The following PPP2R2B variants were observed in gnomAD, a reference collection of about 807,000 sequenced individuals.
PPP2R2B encodes serine/threonine-protein phosphatase 2A 55 kDa regulatory subunit B beta isoform.
In PPP2R2B, 5 loss-of-function variants were observed where a neutral mutation model predicts 46.0. The observed-to-expected ratio is 0.11, with a 90% CI of 0.06 to 0.23. PPP2R2B has a LOEUF of 0.23. Ranked by LOEUF, PPP2R2B falls within the 10% of genes least tolerant of loss-of-function variation. PPP2R2B has a pLI of 1.00. For missense variants in PPP2R2B, 367 were observed against 575.0 expected (o/e 0.64, Z 3.70); for synonymous variants, 215 against 206.7 (o/e 1.04, Z -0.34).
chr5:146,847,286 A>T (rs928061000), intron 2 of PPP2R2B, among the ~76,000 whole-genome samples: 12 of 152,182 alleles, frequency 7.9e-5, no homozygotes, highest in Non-Finnish European at 8.8e-5. Context: ...TCAGCCTTTA[A>T]TTCCTGACAT....
rs1034204039 is a variant in PPP2R2B at position 146,700,964 on chromosome 5, G to A, written c.168+81C>T. ...CGAGCAAAGCAGCAAGGTTAAGGGCGACACATAAGGATTAAGGAACAGTAG... is the reference window on the plus strand; with the variant it reads ...CGAGCAAAGCAGCAAGGTTAAGGGCAACACATAAGGATTAAGGAACAGTAG... On this transcript the variant is annotated intron_variant, in intron 3 of 9. Coordinates refer to ENST00000394411, the MANE Select transcript of PPP2R2B (RefSeq NM_181675.4). 29 of 1,265,524 alleles carry A rather than the reference G, an allele frequency of 2.3e-5. No homozygotes were observed. The African/African-American group carries it at 3.3e-4, about 14-fold the overall frequency. The allele number at this position is 1,265,524 out of a possible 1,614,324, so 78.4% of individuals were successfully genotyped here. A position where few individuals can be genotyped will look rare whatever the true frequency, so the allele number is the denominator to read the frequency against.
At chr5:146,914,830 T>C (rs961123377) in intron 1 of PPP2R2B, among the ~76,000 whole-genome samples, 1 of 152,206 alleles carries the variant, frequency 6.6e-6, no homozygotes, top group Admixed American at 6.5e-5. Context: ...AGTTGGCATA[T>C]CTTGTGTGGT....
chr5:146,852,102 T>C (rs1302068356), intron 2 of PPP2R2B, among the ~76,000 whole-genome samples: 1 of 152,056 alleles, frequency 6.6e-6, no homozygotes, highest in Non-Finnish European at 1.5e-5. Context: ...GGCTCACTTA[T>C]CAAAAACCAA....
intron 2 of PPP2R2B, among the ~76,000 whole-genome samples, chr5:146,745,038 AC>A (rs1753089633): frequency 6.6e-6 from 1 of 152,124 alleles, no homozygotes; most frequent in South Asian, 2.1e-4. Flanking sequence ...TAGATAATTG[AC>A]CAAAACCCTT....
At chr5:146,840,809 A>C (rs1032516085) in intron 2 of PPP2R2B, among the ~76,000 whole-genome samples, 11 of 152,222 alleles carry the variant, frequency 7.2e-5, no homozygotes, top group African/African-American at 2.2e-4. Flanking sequence ...ATTCTAAAAC[A>C]ATCTATTCAT....
At chr5:146,779,389 A>T (rs947060124) in intron 2 of PPP2R2B, among the ~76,000 whole-genome samples, 2 of 152,118 alleles carry the variant, frequency 1.3e-5, no homozygotes, top group African/African-American at 4.8e-5. Flanking sequence ...CCTGGGCCTG[A>T]TGTACAGTGA....
intron 1 of PPP2R2B, among the ~76,000 whole-genome samples, chr5:146,969,272 G>A (rs918702626): frequency 6.6e-6 from 1 of 152,170 alleles, no homozygotes; most frequent in South Asian, 2.1e-4. Context: ...TGGAAAGTGG[G>A]TTCCAGATGG....
chr5:146,959,588 T>TG (rs1561541908), intron 1 of PPP2R2B, among the ~76,000 whole-genome samples: 2 of 151,916 alleles, frequency 1.3e-5, no homozygotes, highest in East Asian at 1.9e-4. Context: ...CAGGCAGGGT[T>TG]GGGGGGCAGG....
rs563336340 is a variant in PPP2R2B, at chr5:147,072,404, TATTA to T, written c.50+8651_50+8654del. ...TGATGTTTTTTGGTTAGTTGACATT[TATTA>T]GTTACTGAAGGCTATTTTCAGTCAA... is the stretch of plus-strand genomic sequence containing the variant. On this transcript the variant is annotated intron_variant, in intron 2 of 10. Transcript: ENST00000394413. 1.5e-3 allele frequency among the ~76,000 whole-genome samples: 225 copies of T among 152,332 alleles called. 3 individuals are homozygous for T. Among genetic ancestry groups the T allele is most frequent in the African/African-American group, 5.3e-3 (219 of 41,568 alleles).
intron 2 of PPP2R2B, chr5:146,707,704 A>G (rs533553737): frequency 6.1e-6 from 3 of 494,520 alleles, no homozygotes; most frequent in African/African-American, 5.8e-5. Context: ...AGGTAAAGCA[A>G]TATGTACACT....
chr5:146,713,121 A>G (rs150404543), intron 2 of PPP2R2B, among the ~76,000 whole-genome samples: 117 of 152,322 alleles, frequency 7.7e-4, no homozygotes, highest in African/African-American at 2.7e-3. Flanking sequence ...GGAGGCTGCA[A>G]TTTCAATAGG....
At chr5:146,890,017 C>T (rs1309747165) in intron 1 of PPP2R2B, among the ~76,000 whole-genome samples, 2 of 152,200 alleles carry the variant, frequency 1.3e-5, no homozygotes, top group East Asian at 1.9e-4. Flanking sequence ...TCCTGAATCC[C>T]ATGATCACAT....
intron 1 of PPP2R2B, among the ~76,000 whole-genome samples, chr5:146,945,658 C>T (rs1159488656): frequency 2.0e-5 from 3 of 152,150 alleles, no homozygotes; most frequent in African/African-American, 7.2e-5. Flanking sequence ...ATAAAAATAG[C>T]AATTTGTTTT....
chr5:146,865,571 A>G (rs1363859580), intron 2 of PPP2R2B, among the ~76,000 whole-genome samples: 1 of 152,146 alleles, frequency 6.6e-6, no homozygotes, highest in Non-Finnish European at 1.5e-5. Context: ...CAGGGTCTAC[A>G]TTTAATTTTT....
At chr5:146,708,094 G>T (rs932280719) in intron 2 of PPP2R2B, among the ~76,000 whole-genome samples, 3 of 152,086 alleles carry the variant, frequency 2.0e-5, no homozygotes, top group Non-Finnish European at 4.4e-5. Context: ...GGTGGCTCAC[G>T]CCTATAATCT....
rs202136792 is a variant in PPP2R2B at position 146,715,926 on chromosome 5, TCA to T, written c.71-14786_71-14785del. On this transcript the variant is annotated intron_variant, in intron 2 of 9. Transcript: ENST00000394411. ...CTCAGTCTTCACTTTTCCATCATTG[TCA>T]CACACTCCATCAAAGTTTAACTCCT... Among the ~76,000 whole-genome samples, 916 of 152,254 alleles carry T rather than the reference TCA, an allele frequency of 6.0e-3. 5 individuals carry two copies. The highest frequency in any genetic ancestry group is 0.02 in the African/African-American group (849 of 41,552).
upstream of PPP2R2B, among the ~76,000 whole-genome samples, chr5:146,883,333 C>T (rs79133865): frequency 4.3e-3 from 649 of 152,290 alleles, 6 homozygotes; most frequent in African/African-American, 0.015. Flanking sequence ...GACCCTTCTT[C>T]CTCCTGCGGT....
intron 2 of PPP2R2B, among the ~76,000 whole-genome samples, chr5:146,873,739 T>C (rs562284187): frequency 5.7e-4 from 86 of 152,150 alleles, no homozygotes; most frequent in Non-Finnish European, 1.1e-3. Context: ...GCCTCCTGAG[T>C]AGCTGGGATT....
chr5:146,912,238 C>CAAAA lies in PPP2R2B; in HGVS notation c.79+143423_79+143426dup, dbSNP rs35127306. Among the ~76,000 whole-genome samples, 404 of 56,580 alleles carry CAAAA rather than the reference C, an allele frequency of 7.1e-3. 19 individuals carry two copies. The highest frequency in any genetic ancestry group is 0.026 in the African/African-American group (378 of 14,734). 37.1% of individuals were successfully genotyped at this position (56,580 alleles called of 152,430 possible). On this transcript the variant is annotated intron_variant, in intron 1 of 8. Transcript: ENST00000336640. ...TGGGTGATAGAGTGAGGCTCCGTCT[C>CAAAA]AAAAAAAAAAAAAAAAAAAAAAAGT...
Sources: gnomAD v4.1 joint callset for allele counts (sites outside exome capture counted in the v4.1 genomes callset) on GRCh38, gnomAD v4.1.1 for gene constraint, MANE v1.5 for transcripts, NCBI Gene and HGNC (gene_info 2026-07-23, HGNC 2026-07-21) for gene names.